The following WWOX variants were observed in gnomAD, a reference collection of about 807,000 sequenced individuals.
WWOX encodes the protein WW domain-containing oxidoreductase.
In WWOX, 69 loss-of-function variants were observed where a neutral mutation model predicts 46.2. That is an observed-to-expected ratio of 1.49 (90% CI 1.23 to 1.82). WWOX has a LOEUF of 1.82. Ranked by LOEUF, WWOX falls within the 40% of genes most tolerant of loss-of-function variation. The pLI is 0.00. For missense variants in WWOX, 919 were observed against 542.6 expected (o/e 1.69, Z -6.89); for synonymous variants, 359 against 202.6 (o/e 1.77, Z -6.56).
At chr16:78,946,179 G>A (rs2045944873) in intron 8 of WWOX, among the ~76,000 whole-genome samples, 2 of 151,990 alleles carry the variant, frequency 1.3e-5, no homozygotes, top group Admixed American at 1.3e-4. Flanking sequence ...TTCTCTTTCT[G>A]TGTTTGTTGT....
chr16:78,994,651 G>A (rs1042151541), intron 8 of WWOX, among the ~76,000 whole-genome samples: 8 of 152,150 alleles, frequency 5.3e-5, no homozygotes, highest in Admixed American at 3.3e-4. Context: ...GAAATAATGG[G>A]CCAGGAAGCC....
chr16:78,960,263 C>G lies in WWOX; in HGVS notation c.1057-251345C>G, dbSNP rs144664181. On this transcript the variant is annotated intron_variant, in intron 8 of 8. Coordinates refer to ENST00000566780, the MANE Select transcript of WWOX (RefSeq NM_016373.4). Reference sequence around the variant, plus strand: ...TCATAGGACAAAGACCTCCCCACCTCCAGCTATGAAAGACAGAAAATGATA... The same window carrying G: ...TCATAGGACAAAGACCTCCCCACCTGCAGCTATGAAAGACAGAAAATGATA... Among the ~76,000 whole-genome samples, 109 of 152,308 alleles carry G rather than the reference C, an allele frequency of 7.2e-4. 1 individual carries two copies. The highest frequency in any genetic ancestry group is 2.4e-3 in the African/African-American group (99 of 41,572).
intron 8 of WWOX, among the ~76,000 whole-genome samples, chr16:78,976,184 T>C (rs1219385330): frequency 6.6e-6 from 1 of 152,224 alleles, no homozygotes; most frequent in Admixed American, 6.5e-5. Flanking sequence ...ATTTCTTGGA[T>C]GAAAGAATGA....
chr16:78,377,298 C>T (rs1037184550), intron 5 of WWOX, among the ~76,000 whole-genome samples: 1 of 152,172 alleles, frequency 6.6e-6, no homozygotes, highest in South Asian at 2.1e-4. Flanking sequence ...AAAACTAGAG[C>T]AGTCAAAAGT....
chr16:79,019,415 G>C (rs2047486488), intron 8 of WWOX, among the ~76,000 whole-genome samples: 1 of 151,988 alleles, frequency 6.6e-6, no homozygotes, highest in Non-Finnish European at 1.5e-5. Flanking sequence ...GCGTACTGTA[G>C]GCAGTTGTAA....
intron 8 of WWOX, among the ~76,000 whole-genome samples, chr16:79,059,658 C>A (rs999706244): frequency 1.3e-5 from 2 of 152,110 alleles, no homozygotes; most frequent in African/African-American, 2.4e-5. Context: ...CCATGCCCGG[C>A]TAATTTTTTG....
intron 8 of WWOX, among the ~76,000 whole-genome samples, chr16:78,789,950 C>T (rs1252446043): frequency 6.6e-6 from 1 of 152,268 alleles, no homozygotes; most frequent in East Asian, 1.9e-4. Flanking sequence ...GGACAAGTTA[C>T]TTCACCTCTC....
chr16:78,126,558 G>A (rs887439303), intron 4 of WWOX, among the ~76,000 whole-genome samples: 7 of 148,872 alleles, frequency 4.7e-5, no homozygotes, highest in Non-Finnish European at 1.0e-4. Flanking sequence ...CTTGCCTCAT[G>A]TGCTATCATT....
At chr16:78,700,755 G>C (rs1248356270) in intron 8 of WWOX, among the ~76,000 whole-genome samples, 7 of 152,198 alleles carry the variant, frequency 4.6e-5, no homozygotes, top group Non-Finnish European at 1.0e-4. Context: ...GGGATTGGAG[G>C]AACAGCCATC....
At chr16:78,339,071 A>G (rs1352447075) in intron 5 of WWOX, among the ~76,000 whole-genome samples, 1 of 120,290 alleles carries the variant, frequency 8.3e-6, no homozygotes, top group East Asian at 1.9e-4. Context: ...GCTTCCTTCT[A>G]CTTTGGTGCC....
At chr16:78,232,904 C>G (rs2037314359) in intron 5 of WWOX, among the ~76,000 whole-genome samples, 1 of 151,608 alleles carries the variant, frequency 6.6e-6, no homozygotes, top group African/African-American at 2.4e-5. Flanking sequence ...TGCAGTGGTG[C>G]TATTTCGGCT....
chr16:78,309,784 C>T (rs913503967), intron 5 of WWOX, among the ~76,000 whole-genome samples: 1 of 152,178 alleles, frequency 6.6e-6, no homozygotes, highest in African/African-American at 2.4e-5. Context: ...GGGAGATGTG[C>T]ACCCAGCAGT....
At chr16:78,263,664 C>G (rs1162123824) in intron 5 of WWOX, among the ~76,000 whole-genome samples, 1 of 152,132 alleles carries the variant, frequency 6.6e-6, no homozygotes. Context: ...TGCCACCAGT[C>G]CATTTTGTTC....
At chr16:78,880,992 CTTTT>C (rs71140838) in intron 8 of WWOX, among the ~76,000 whole-genome samples, 2 of 113,522 alleles carry the variant, frequency 1.8e-5, no homozygotes, top group Non-Finnish European at 1.7e-5. Flanking sequence ...AATTTTTTTT[CTTTT>C]TTTTTTTTTT....
intron 8 of WWOX, among the ~76,000 whole-genome samples, chr16:78,499,323 C>T (rs2084998318): frequency 6.6e-6 from 1 of 152,162 alleles, no homozygotes; most frequent in African/African-American, 2.4e-5. Context: ...CACACATGCT[C>T]TGTAGTCTTT....
At chr16:78,554,752 C>G (rs866962832) in intron 8 of WWOX, among the ~76,000 whole-genome samples, 1 of 152,126 alleles carries the variant, frequency 6.6e-6, no homozygotes, top group Non-Finnish European at 1.5e-5. Flanking sequence ...CCTCAGCTCC[C>G]TTCTTCTCTA....
chr16:78,162,866 G>A (rs150955133), intron 4 of WWOX, among the ~76,000 whole-genome samples: 11 of 152,122 alleles, frequency 7.2e-5, no homozygotes, highest in African/African-American at 2.6e-4. Flanking sequence ...CTTGTCGTCA[G>A]CTGTGTCTTG....
chr16:78,516,527 A>G (rs370225004), intron 8 of WWOX, among the ~76,000 whole-genome samples: 72 of 152,282 alleles, frequency 4.7e-4, no homozygotes, highest in African/African-American at 1.5e-3. Flanking sequence ...AAATATCTGA[A>G]CTCAGATTTC....
At chr16:78,970,434 A>G (rs1419459484) in intron 8 of WWOX, among the ~76,000 whole-genome samples, 1 of 152,056 alleles carries the variant, frequency 6.6e-6, no homozygotes, top group East Asian at 1.9e-4. Context: ...CAAAGGTGCA[A>G]CTCTTGCTCT....
Sources: gnomAD v4.1 joint callset for allele counts (sites outside exome capture counted in the v4.1 genomes callset) on GRCh38, gnomAD v4.1.1 for gene constraint, MANE v1.5 for transcripts, NCBI Gene and HGNC (gene_info 2026-07-23, HGNC 2026-07-21) for gene names.